LATS1: variants seen among roughly 807,000 people sequenced by gnomAD.
The protein encoded by LATS1 is large tumor suppressor kinase 1.
LATS1 carries 25 observed loss-of-function variants against 106.6 expected under a neutral mutation model. The observed-to-expected ratio is 0.23, with a 90% confidence interval of 0.17 to 0.33. The LOEUF is 0.33. Among genes scored for constraint, LATS1 ranks in the 10% least tolerant of loss-of-function variants. The probability of loss-of-function intolerance (pLI) is 1.00; values close to 1 mark genes in which losing one functional copy is unlikely to be tolerated. For missense variants in LATS1, 1,040 were observed against 1,382.6 expected (o/e 0.75, Z 3.93); for synonymous variants, 465 against 455.6 (o/e 1.02, Z -0.26).
chr6:149,681,885 C>G (rs992061646), intron 4 of LATS1, among the ~76,000 whole-genome samples: 1 of 151,990 alleles, frequency 6.6e-6, no homozygotes, highest in Non-Finnish European at 1.5e-5. Context: ...GAGGCAGACG[C>G]GGGTGGGTCA....
chr6:149,664,130 T>A (rs1321618432), intron 7 of LATS1, among the ~76,000 whole-genome samples: 4 of 147,986 alleles, frequency 2.7e-5, no homozygotes, highest in Middle Eastern at 3.4e-3. Context: ...TTTTTTATTT[T>A]AAGGTATATT....
At chr6:149,676,780 C>G in intron 5 of LATS1, 43 bp from the exon 6 acceptor site, 1 of 1,538,070 alleles carries the variant, frequency 6.5e-7, no homozygotes, top group Non-Finnish European at 8.9e-7. Flanking sequence ...ACAATGACAA[C>G]AGTAAACCTG....
Position 149,683,354 on chromosome 6 carries a change from G to A in LATS1, c.1735C>T (p.Pro579Ser), listed in dbSNP as rs1203899175. ...SVPPYESISK[P>S]SKEDQPSLPK... ...AAGCTTGGCTGATCCTCTTTGCTAG[G>A]CTTACTGATTGACTCGTATGGAGGA... Residue 579 changes from proline to serine, a missense_variant, in exon 4 of 8, where the codon CCT becomes TCT. By Grantham distance (74) the Pro-to-Ser change is moderately conservative. Coordinates refer to ENST00000543571, the MANE Select transcript of LATS1 (RefSeq NM_004690.4). The A allele has an allele frequency of 1.2e-6, 2 of 1,614,082 alleles. No individual in the cohort carries two copies. Among genetic ancestry groups the A allele is most frequent in the Non-Finnish European group, 1.7e-6 (2 of 1,180,014 alleles).
chr6:149,661,721 C>T lies in LATS1; in HGVS notation c.*8G>A. 6.5e-7 allele frequency: 1 copy of T among 1,527,982 alleles called. No individual in the cohort carries two copies. The highest frequency in any genetic ancestry group is 1.3e-5 in the South Asian group (1 of 76,020). 94.7% of individuals were successfully genotyped at this position (1,527,982 alleles called of 1,614,324 possible). A position where few individuals can be genotyped will look rare whatever the true frequency, so the allele number is the denominator to read the frequency against. On this transcript the variant is annotated 3_prime_UTR_variant, in exon 8 of 8. Coordinates refer to ENST00000543571, the MANE Select transcript of LATS1 (RefSeq NM_004690.4). ...TACAAATCCTCATTACATTTATTTA[C>T]TAGTGTGTTAAACATATACTAGATC...
rs779114301 is a variant in LATS1, at chr6:149,683,426, G to C, written c.1663C>G (p.Pro555Ala). The C allele has an allele frequency of 2.5e-6, 4 of 1,614,170 alleles. No homozygotes were observed. The South Asian group carries it at 4.4e-5, about 18-fold the overall frequency. ...AGATGTTTTGGGTAGGGTGGTGGTG[G>C]TCCTTGATAGTTTGGAGCTTCAGCA... is the stretch of plus-strand genomic sequence containing the variant. ...PVAEAPNYQG[P>A]PPPYPKHLLH... The change falls in exon 4 of 8, where the codon CCA becomes GCA. Residue 555 changes from proline to alanine, a missense_variant. Transcript: ENST00000543571.
chr6:149,682,562 C>T (rs1366808617), intron 4 of LATS1, among the ~76,000 whole-genome samples: 1 of 151,964 alleles, frequency 6.6e-6, no homozygotes, highest in African/African-American at 2.4e-5. Flanking sequence ...CAGGCGCCCG[C>T]CACCATGCCC....
At chr6:149,711,273 G>A (rs1486240060) in intron 1 of LATS1, among the ~76,000 whole-genome samples, 4 of 151,912 alleles carry the variant, frequency 2.6e-5, no homozygotes, top group Non-Finnish European at 5.9e-5. Context: ...GGCCGGGCAC[G>A]GTGCCTCACA....
At chr6:149,677,942 C>T (rs1781807842) in intron 5 of LATS1, among the ~76,000 whole-genome samples, 1 of 151,346 alleles carries the variant, frequency 6.6e-6, no homozygotes, top group Non-Finnish European at 1.5e-5. Flanking sequence ...ATCGCTTGAG[C>T]CCAGGAGATG....
At chr6:149,715,828 C>T (rs1784354369) in intron 1 of LATS1, among the ~76,000 whole-genome samples, 1 of 152,148 alleles carries the variant, frequency 6.6e-6, no homozygotes, top group Admixed American at 6.5e-5. Context: ...GCTGCTATGA[C>T]ATGTGAAAAT....
In LATS1 at chr6:149,699,629, T is replaced by A. The variant is rs1412166917; in HGVS notation, c.348+2150A>T. Among the ~76,000 whole-genome samples the A allele has an allele frequency of 4.6e-5, 7 of 152,190 alleles. No individual in the cohort carries two copies. The South Asian group carries it at 6.2e-4, about 13-fold the overall frequency. On this transcript the variant is annotated intron_variant, in intron 2 of 7. Transcript: ENST00000543571. ...TATCATTTGTGTAGTAGCACTTCAA[T>A]GAAAAAAAGCACAAACATATCTTTG...
chr6:149,663,521 A>G (rs922063974), intron 7 of LATS1, among the ~76,000 whole-genome samples: 5 of 152,316 alleles, frequency 3.3e-5, no homozygotes, highest in African/African-American at 9.6e-5. Context: ...TAGGCAGTCA[A>G]TAAATATTTT....
chr6:149,712,512 TTC>T (rs939844195), intron 1 of LATS1, among the ~76,000 whole-genome samples: 2 of 152,084 alleles, frequency 1.3e-5, no homozygotes, highest in South Asian at 2.1e-4. Context: ...TTATCTTCTA[TTC>T]TCTCTTTTCT....
In LATS1 at chr6:149,660,985, T is replaced by G. The variant is rs1780861070; in HGVS notation, c.*744A>C. 4.7e-6 allele frequency: 1 copy of G among 213,214 alleles called. No individual in the cohort carries two copies. The highest frequency in any genetic ancestry group is 9.5e-6 in the Non-Finnish European group (1 of 105,388). 13.2% of individuals were successfully genotyped at this position (213,214 alleles called of 1,614,324 possible). A position where few individuals can be genotyped will look rare whatever the true frequency, so the allele number is the denominator to read the frequency against. ...ATGGCAGCTTTGTTCCCTTTTAAAATTGGAAGCAGCATCAAAAATACCAAT... is the reference window on the plus strand; with the variant it reads ...ATGGCAGCTTTGTTCCCTTTTAAAAGTGGAAGCAGCATCAAAAATACCAAT... On this transcript the variant is annotated 3_prime_UTR_variant, in exon 8 of 8. Transcript: ENST00000543571.
In LATS1 at chr6:149,659,921, G is replaced by A. The variant is rs1326706153; in HGVS notation, c.*1808C>T. On this transcript the variant is annotated 3_prime_UTR_variant, in exon 8 of 8. Transcript: ENST00000543571. Reference sequence around the variant, plus strand: ...AAATGATATATTAAAACAACTTAATGTACCAGCAAGAGAGGCATTCATAAG... The same window carrying A: ...AAATGATATATTAAAACAACTTAATATACCAGCAAGAGAGGCATTCATAAG... 4.3e-6 allele frequency: 1 copy of A among 229,964 alleles called. No individual in the cohort carries two copies. The highest frequency in any genetic ancestry group is 2.2e-5 in the African/African-American group (1 of 45,188). The allele number at this position is 229,964 out of a possible 1,614,324, so 14.2% of individuals were successfully genotyped here.
In LATS1 at chr6:149,683,774, CAGA is replaced by C; in HGVS notation, c.1312_1314del (p.Ser438del). Reference sequence around the variant, plus strand: ...CTGCTCGGGGATGACTGGGCTGGAGCAGAAGATGACTGAGGCCAATTTGTTTGC... The same window carrying C: ...CTGCTCGGGGATGACTGGGCTGGAGCAGATGACTGAGGCCAATTTGTTTGC... On this transcript the variant is annotated inframe_deletion, in exon 4 of 8. Coordinates refer to ENST00000543571, the MANE Select transcript of LATS1 (RefSeq NM_004690.4). 1.9e-6 allele frequency: 3 copies of C among 1,613,720 alleles called. No homozygotes were observed. Among genetic ancestry groups the C allele is most frequent in the Non-Finnish European group, 2.5e-6 (3 of 1,180,024 alleles).
chr6:149,678,292 C>T (rs113956454), intron 5 of LATS1, among the ~76,000 whole-genome samples: 1 of 151,690 alleles, frequency 6.6e-6, no homozygotes, highest in East Asian at 1.9e-4. Flanking sequence ...AGCAGTGAGC[C>T]GAGATTGCGC....
chr6:149,665,443 T>C (rs941738704), intron 7 of LATS1, among the ~76,000 whole-genome samples: 4 of 152,190 alleles, frequency 2.6e-5, no homozygotes, highest in Non-Finnish European at 5.9e-5. Context: ...TGTGTCCTTT[T>C]GCCACCTTGT....
In LATS1 at chr6:149,679,868, T is replaced by C; in HGVS notation, c.2593+7A>G. The C allele has an allele frequency of 1.9e-6, 3 of 1,538,930 alleles. No homozygotes were observed. Among genetic ancestry groups the C allele is most frequent in the Non-Finnish European group, 2.6e-6 (3 of 1,140,634 alleles). On this transcript the variant is annotated splice_region_variant and intron_variant, in intron 5 of 7. Coordinates refer to ENST00000543571, the MANE Select transcript of LATS1 (RefSeq NM_004690.4). ...CAAACTAAAATAAATTTTATGAGTT[T>C]ACTTACCACTCTGATAGTACTTAGA...
rs750875782 is a variant in LATS1, at chr6:149,683,203, G to T, written c.1886C>A (p.Ser629Tyr). The T allele has an allele frequency of 6.2e-7, 1 of 1,614,036 alleles. No individual in the cohort carries two copies. The highest frequency in any genetic ancestry group is 1.1e-5 in the South Asian group (1 of 91,058). ...TTGAGGAGAATAACTTTGAATACGAGATTCCCTTCGCTCTTCATCTTTCTT... is the reference window on the plus strand; with the variant it reads ...TTGAGGAGAATAACTTTGAATACGATATTCCCTTCGCTCTTCATCTTTCTT... Reference protein sequence around the residue: ...KNKKDEERRESRIQSYSPQAF... With the variant: ...KNKKDEERREYRIQSYSPQAF... The change falls in exon 4 of 8, where the codon TCT becomes TAT. Residue 629 changes from serine to tyrosine, a missense_variant. Physicochemically the swap from Ser to Tyr is moderately radical, Grantham distance 144. Around this residue, in one of 7 missense-constraint regions of LATS1, gnomAD observed 167 missense variants for 332.1 expected, o/e 0.50. Coordinates refer to ENST00000543571, the MANE Select transcript of LATS1 (RefSeq NM_004690.4).
Sources: gnomAD v4.1 joint callset for allele counts (sites outside exome capture counted in the v4.1 genomes callset) on GRCh38, gnomAD v4.1.1 for gene constraint, gnomAD v4.1.1 regional missense constraint, MANE v1.5 for transcripts, NCBI Gene and HGNC (gene_info 2026-07-23, HGNC 2026-07-21) for gene names.